The following CNOT1 variants were observed in gnomAD, a reference collection of about 807,000 sequenced individuals.
CNOT1 encodes CCR4-NOT transcription complex subunit 1, also known as CCR4-associated factor 1.
CNOT1 carries 15 observed loss-of-function variants against 273.8 expected under a neutral mutation model. That is an observed-to-expected ratio of 0.05 (90% CI 0.04 to 0.08). The LOEUF (loss-of-function observed/expected upper bound fraction) is 0.08, where lower values mean the gene tolerates loss of function less well. Among genes scored for constraint, CNOT1 ranks in the 10% least tolerant of loss-of-function variants. The pLI is 1.00. For missense variants in CNOT1, 1,644 were observed against 2,912.2 expected (o/e 0.56, Z 10.02); for synonymous variants, 1,022 against 1,005.5 (o/e 1.02, Z -0.31).
chr16:58,539,802 C>T lies in CNOT1; in HGVS notation c.4958G>A (p.Arg1653Gln). ...LEVVVLSRNS[R>Q]DAIAALGLLQ... ...CAATCCAAGAGCAGCTATGGCATCCCGAGAGTTTCGAGATAAAACTACAAC... is the reference window on the plus strand; with the variant it reads ...CAATCCAAGAGCAGCTATGGCATCCTGAGAGTTTCGAGATAAAACTACAAC... Residue 1653 changes from arginine to glutamine, a missense_variant, in exon 35 of 49, where the codon CGG becomes CAG. Physicochemically the swap from Arg to Gln is conservative, Grantham distance 43. Transcript: ENST00000317147. 2 of 1,613,924 alleles carry T rather than the reference C, an allele frequency of 1.2e-6. No homozygotes were observed. Among genetic ancestry groups the T allele is most frequent in the Non-Finnish European group, 1.7e-6 (2 of 1,179,930 alleles).
intron 1 of CNOT1, among the ~76,000 whole-genome samples, chr16:58,618,643 CCT>C (rs1214682280): frequency 1.5e-5 from 2 of 137,264 alleles, no homozygotes; most frequent in Non-Finnish European, 3.0e-5. Flanking sequence ...ACAGAGAAAC[CCT>C]GTCTCAAAAA....
intron 22 of CNOT1, 28 bp downstream of exon 22, chr16:58,553,754 T>G (rs777483238): frequency 2.5e-6 from 4 of 1,601,348 alleles, no homozygotes; most frequent in Non-Finnish European, 2.5e-6. Flanking sequence ...ACATAGCTAT[T>G]TGGGTTTTAG....
intron 47 of CNOT1, among the ~76,000 whole-genome samples, chr16:58,522,237 C>CAAAAAAAAAAAAAAAAAAAAA (rs56149974): frequency 2.0e-5 from 2 of 98,556 alleles, no homozygotes; most frequent in African/African-American, 8.5e-5. Context: ...GAGACTGTCT[C>CAAAAAAAAAAAAAAAAAAAAA]AAAAAAAAAA....
chr16:58,627,197 A>T (rs914421782), intron 1 of CNOT1, among the ~76,000 whole-genome samples: 4 of 151,974 alleles, frequency 2.6e-5, no homozygotes, highest in African/African-American at 9.7e-5. Context: ...TCATGAAGTT[A>T]AGAGTTCGAG....
chr16:58,611,271 T>C (rs2152034071), intron 1 of CNOT1, among the ~76,000 whole-genome samples: 1 of 144,108 alleles, frequency 6.9e-6, no homozygotes, highest in South Asian at 2.2e-4. Context: ...TCTGCTAAAA[T>C]ACAAAAAATT....
rs949719173 is a variant in CNOT1 at position 58,558,014 on chromosome 16, C to T, written c.2332+459G>A. Among the ~76,000 whole-genome samples, 6 of 130,820 alleles carry T rather than the reference C, an allele frequency of 4.6e-5. No homozygotes were observed. In the East Asian group the frequency reaches 5.8e-4, roughly 13 times the overall value. 85.8% of individuals were successfully genotyped at this position (130,820 alleles called of 152,430 possible). ...CCCCACTACCCAAAAAACAAACAAA[C>T]GAAAAAAAACCTTAAAATGTTTTTG... On this transcript the variant is annotated intron_variant, in intron 18 of 48. Transcript: ENST00000317147.
chr16:58,538,103 G>A (rs774192955), intron 37 of CNOT1, 43 bp from the exon 38 acceptor site: 1 of 1,613,802 alleles, frequency 6.2e-7, no homozygotes. Flanking sequence ...AAACACTTAA[G>A]AGCAAACGTA....
At chr16:58,596,386 CT>C (rs2042249415) in intron 2 of CNOT1, among the ~76,000 whole-genome samples, 1 of 152,152 alleles carries the variant, frequency 6.6e-6, no homozygotes, top group Non-Finnish European at 1.5e-5. Context: ...CCTTATCTTT[CT>C]CTGTAGCATG....
rs781535226 is a variant in CNOT1 at position 58,541,618 on chromosome 16, A to C, written c.4683T>G (p.Val1561=). The change falls in exon 34 of 49, where the codon GTT becomes GTG. Residue 1561 remains valine (V), a splice_region_variant and synonymous_variant. Transcript: ENST00000317147. ...CCAACTGCTTTGGGTCCACACCACC[A>C]ACCTTGAAAGAAGAAAACCTATTTT... The part of the protein sequence containing the change: ...ERMPEQIRLK[V]GGVDPKQLAV... 1 of 1,611,212 alleles carries C rather than the reference A, an allele frequency of 6.2e-7. No individual in the cohort carries two copies. The highest frequency in any genetic ancestry group is 2.2e-5 in the East Asian group (1 of 44,860).
intron 1 of CNOT1, among the ~76,000 whole-genome samples, chr16:58,626,503 T>C (rs1250146683): frequency 6.6e-6 from 1 of 151,262 alleles, no homozygotes; most frequent in Admixed American, 6.6e-5. Context: ...CACTCATGCC[T>C]GTAATCCCAG....
chr16:58,582,868 A>T lies in CNOT1; in HGVS notation c.969T>A (p.Asp323Glu), dbSNP rs780813067. Reference sequence around the variant, plus strand: ...GTGCTCCATCACTTTTATCTTTCCCATCACTCCAGATCCCACTGCCCGGAG... The same window carrying T: ...GTGCTCCATCACTTTTATCTTTCCCTTCACTCCAGATCCCACTGCCCGGAG... ...ISAPGSGIWS[D>E]GKDKSDGAQA... The change falls in exon 10 of 49, where the codon GAT becomes GAA. Residue 323 changes from aspartate to glutamate, a missense_variant. By Grantham distance (45) the Asp-to-Glu change is conservative. This residue lies in a region of CNOT1 where 706 missense variants were observed against 1,021.2 expected (regional missense o/e 0.69). Transcript: ENST00000317147. 1.2e-6 allele frequency: 2 copies of T among 1,608,950 alleles called. No individual in the cohort carries two copies. The highest frequency in any genetic ancestry group is 2.2e-5 in the East Asian group (1 of 44,848).
At chr16:58,596,745 G>C (rs142299662) in intron 2 of CNOT1, among the ~76,000 whole-genome samples, 1 of 151,874 alleles carries the variant, frequency 6.6e-6, no homozygotes, top group African/African-American at 2.4e-5. Context: ...AAAATTAGCC[G>C]GGTGTGGTGG....
chr16:58,612,688 G>A (rs542959264), intron 1 of CNOT1, among the ~76,000 whole-genome samples: 7 of 152,222 alleles, frequency 4.6e-5, no homozygotes, highest in Admixed American at 6.5e-5. Context: ...GCAGTGAGCC[G>A]AGATCCTGCC....
At chr16:58,557,956 C>T (rs998013744) in intron 18 of CNOT1, among the ~76,000 whole-genome samples, 1 of 152,148 alleles carries the variant, frequency 6.6e-6, no homozygotes, top group Non-Finnish European at 1.5e-5. Flanking sequence ...TACCACTGCA[C>T]TCCAGCCTGG....
chr16:58,597,519 C>T (rs2042307158), intron 2 of CNOT1: 2 of 246,348 alleles, frequency 8.1e-6, no homozygotes, highest in South Asian at 4.5e-5. Flanking sequence ...ATAAACACTG[C>T]ACCACCCTCC....
intron 16 of CNOT1, among the ~76,000 whole-genome samples, chr16:58,569,538 A>T (rs1481760331): frequency 6.6e-6 from 1 of 152,074 alleles, no homozygotes; most frequent in Non-Finnish European, 1.5e-5. Flanking sequence ...CAAAAAACAG[A>T]AATTCGTTTT....
chr16:58,569,035 A>C (rs570708880), intron 16 of CNOT1, among the ~76,000 whole-genome samples: 42 of 152,354 alleles, frequency 2.8e-4, no homozygotes, highest in Admixed American at 2.6e-3. Context: ...AAGGGCTGGA[A>C]AGCTATGTAG....
intron 29 of CNOT1, 125 bp from the exon 30 acceptor site, chr16:58,545,616 A>C: frequency 8.5e-6 from 12 of 1,406,376 alleles, no homozygotes; most frequent in Non-Finnish European, 9.5e-6. Flanking sequence ...GGAGGGAAGG[A>C]TGTAGCAGGT....
intron 34 of CNOT1, 146 bp downstream of exon 34, chr16:58,541,355 A>C: frequency 3.8e-5 from 49 of 1,295,362 alleles, no homozygotes. Context: ...TTAATTGGAC[A>C]CAAAGAATAC....
Sources: gnomAD v4.1 joint callset for allele counts (sites outside exome capture counted in the v4.1 genomes callset) on GRCh38, gnomAD v4.1.1 for gene constraint, gnomAD v4.1.1 regional missense constraint, MANE v1.5 for transcripts, NCBI Gene and HGNC (gene_info 2026-07-23, HGNC 2026-07-21) for gene names.